CTNND2: variants seen among roughly 807,000 people sequenced by gnomAD.
CTNND2 encodes catenin delta 2.
Under a neutral mutation model 144.4 loss-of-function variants are expected in CTNND2, and 22 were observed. The observed-to-expected ratio is 0.15, with a 90% CI of 0.11 to 0.22. The LOEUF (loss-of-function observed/expected upper bound fraction) is 0.22. Among genes scored for constraint, CTNND2 ranks in the 10% least tolerant of loss-of-function variants. CTNND2 has a pLI of 1.00. For missense variants in CTNND2, 1,353 were observed against 1,618.8 expected, an observed-to-expected ratio of 0.84 and a Z score of 2.82; for synonymous variants, 751 against 695.6, an observed-to-expected ratio of 1.08 and a Z score of -1.25.
intron 8 of CTNND2, among the ~76,000 whole-genome samples, chr5:11,350,808 G>A (rs1755253688): frequency 6.6e-6 from 1 of 152,126 alleles, no homozygotes; most frequent in Admixed American, 6.5e-5. Flanking sequence ...CCAACCATTA[G>A]TAATGTAACA....
intron 10 of CTNND2, among the ~76,000 whole-genome samples, chr5:11,202,825 A>G (rs1052086177): frequency 3.3e-5 from 5 of 150,880 alleles, no homozygotes; most frequent in African/African-American, 9.8e-5. Context: ...TTTTTCTGAG[A>G]TGGAGTTTCG....
intron 12 of CTNND2, among the ~76,000 whole-genome samples, chr5:11,134,713 C>T (rs973344638): frequency 6.6e-6 from 1 of 152,158 alleles, no homozygotes; most frequent in East Asian, 1.9e-4. Context: ...GCAGGAAGAA[C>T]AGTAAGCTAA....
At chr5:11,873,563 C>A (rs1032591614) in intron 1 of CTNND2, among the ~76,000 whole-genome samples, 1 of 152,112 alleles carries the variant, frequency 6.6e-6, no homozygotes, top group Non-Finnish European at 1.5e-5. Flanking sequence ...ATGTTAAAAT[C>A]AATAAAAACA....
At chr5:11,552,430 T>C (rs1008674792) in intron 3 of CTNND2, among the ~76,000 whole-genome samples, 4 of 152,236 alleles carry the variant, frequency 2.6e-5, no homozygotes, top group African/African-American at 7.2e-5. Context: ...AATAAATCTA[T>C]AGATAATTCA....
In CTNND2 at chr5:11,571,208, T is replaced by C. The variant is rs7710083; in HGVS notation, c.175-6152A>G. 2.7e-3 allele frequency among the ~76,000 whole-genome samples: 410 copies of C among 152,308 alleles called. 1 individual carries two copies. The highest frequency in any genetic ancestry group is 4.9e-3 in the Non-Finnish European group (334 of 68,018). On this transcript the variant is annotated intron_variant, in intron 2 of 21. Coordinates refer to ENST00000304623, the MANE Select transcript of CTNND2 (RefSeq NM_001332.4). Reference sequence around the variant, plus strand: ...ATGATTTTTCTGTTTGTTTTAAATATGTATTTTTGAAGGTATCTCAACTTC... The same window carrying C: ...ATGATTTTTCTGTTTGTTTTAAATACGTATTTTTGAAGGTATCTCAACTTC...
At chr5:11,852,360 C>T (rs1186112021) in intron 1 of CTNND2, among the ~76,000 whole-genome samples, 2 of 152,138 alleles carry the variant, frequency 1.3e-5, no homozygotes, top group African/African-American at 4.8e-5. Flanking sequence ...ACTCAGTCAG[C>T]ACAATGCCAA....
At chr5:11,444,240 T>C (rs1190666787) in intron 3 of CTNND2, among the ~76,000 whole-genome samples, 2 of 152,198 alleles carry the variant, frequency 1.3e-5, no homozygotes, top group East Asian at 1.9e-4. Flanking sequence ...CATCGGATCA[T>C]TGTTGGAATT....
chr5:11,660,594 G>A (rs1783148021), intron 2 of CTNND2, among the ~76,000 whole-genome samples: 1 of 151,892 alleles, frequency 6.6e-6, no homozygotes, highest in Admixed American at 6.6e-5. Context: ...AGTTACAGAA[G>A]GAAACAAATG....
chr5:11,361,934 G>A (rs1456583896), intron 8 of CTNND2, among the ~76,000 whole-genome samples: 1 of 152,178 alleles, frequency 6.6e-6, no homozygotes, highest in Non-Finnish European at 1.5e-5. Context: ...CTTATGAATT[G>A]TACTGAAAGA....
intron 2 of CTNND2, among the ~76,000 whole-genome samples, chr5:11,644,119 GTTC>G (rs772242672): frequency 6.6e-6 from 1 of 152,136 alleles, no homozygotes; most frequent in Middle Eastern, 3.4e-3. Context: ...ACTTTTGGCT[GTTC>G]TTCTCCACAG....
chr5:11,489,734 C>T (rs939369059), intron 3 of CTNND2, among the ~76,000 whole-genome samples: 2 of 152,210 alleles, frequency 1.3e-5, no homozygotes, highest in Non-Finnish European at 2.9e-5. Flanking sequence ...TACTTGCTCA[C>T]TGAGGTGTCC....
intron 2 of CTNND2, among the ~76,000 whole-genome samples, chr5:11,620,207 G>A (rs1159994997): frequency 1.3e-5 from 2 of 151,864 alleles, no homozygotes; most frequent in East Asian, 1.9e-4. Flanking sequence ...CTTGGGACCT[G>A]GCTGACCTGG....
chr5:11,588,684 T>C (rs1581570076), intron 2 of CTNND2: 3 of 821,902 alleles, frequency 3.7e-6, no homozygotes, highest in Non-Finnish European at 2.9e-6. Flanking sequence ...ACATTCATAA[T>C]GAAAGCATTG....
At chr5:11,426,717 T>G (rs1381963382) in intron 3 of CTNND2, among the ~76,000 whole-genome samples, 1 of 152,166 alleles carries the variant, frequency 6.6e-6, no homozygotes, top group South Asian at 2.1e-4. Flanking sequence ...AGCCAGAACT[T>G]GCTTTGAATG....
At chr5:10,980,007 G>C (rs904410169) in intron 21 of CTNND2, among the ~76,000 whole-genome samples, 1 of 152,146 alleles carries the variant, frequency 6.6e-6, no homozygotes, top group African/African-American at 2.4e-5. Flanking sequence ...AAGACTTCAT[G>C]TCCAAAACTC....
At chr5:11,433,677 C>A (rs1763503526) in intron 3 of CTNND2, among the ~76,000 whole-genome samples, 1 of 152,122 alleles carries the variant, frequency 6.6e-6, no homozygotes, top group African/African-American at 2.4e-5. Flanking sequence ...ACAAGCAGAT[C>A]TTCTGTGAAC....
intron 1 of CTNND2, among the ~76,000 whole-genome samples, chr5:11,803,352 G>A (rs927515642): frequency 2.6e-5 from 4 of 151,992 alleles, no homozygotes; most frequent in Admixed American, 2.6e-4. Context: ...GCACAAGAGT[G>A]CACAAGAGGG....
chr5:11,628,181 G>A (rs1055270431), intron 2 of CTNND2, among the ~76,000 whole-genome samples: 1 of 152,048 alleles, frequency 6.6e-6, no homozygotes, highest in Non-Finnish European at 1.5e-5. Context: ...GGAACAATGG[G>A]TAAATCCAAA....
intron 2 of CTNND2, among the ~76,000 whole-genome samples, chr5:11,682,737 G>A (rs1257532597): frequency 6.6e-6 from 1 of 152,128 alleles, no homozygotes; most frequent in Non-Finnish European, 1.5e-5. Flanking sequence ...TGTGTGAAGG[G>A]CAAGTAATAC....
Sources: allele counts gnomAD v4.1 joint callset (sites outside exome capture counted in the v4.1 genomes callset), GRCh38; gene constraint gnomAD v4.1.1; transcripts MANE v1.5; gene names NCBI Gene and HGNC (gene_info 2026-07-23, HGNC 2026-07-21).